The following PACSIN2 variants were observed in gnomAD, a reference collection of about 807,000 sequenced individuals.
PACSIN2 encodes the protein protein kinase C and casein kinase substrate in neurons protein 2.
In PACSIN2, 25 loss-of-function variants were observed where a neutral mutation model predicts 63.8. That is an observed-to-expected ratio of 0.39 (90% confidence interval 0.29 to 0.55). The LOEUF is 0.55. PACSIN2 is among the 20% of genes least tolerant of loss of function. The pLI is 0.62. For synonymous variants in PACSIN2, 255 were observed against 256.2 expected, an observed-to-expected ratio of 1.00 and a Z score of 0.05; for missense variants, 518 against 646.9, an observed-to-expected ratio of 0.80 and a Z score of 2.16.
At chr22:42,981,341 C>T (rs1453819300) in intron 1 of PACSIN2, among the ~76,000 whole-genome samples, 6 of 144,860 alleles carry the variant, frequency 4.1e-5, no homozygotes, top group East Asian at 4.4e-4. Context: ...CCACCCCGTC[C>T]GGGAGGGAGG....
intron 1 of PACSIN2, among the ~76,000 whole-genome samples, chr22:42,971,693 G>A (rs1370596346): frequency 4.0e-5 from 6 of 151,608 alleles, no homozygotes; most frequent in Admixed American, 6.6e-5. Flanking sequence ...CCCTCCGCCG[G>A]GCAGCCGCCC....
intron 1 of PACSIN2, among the ~76,000 whole-genome samples, chr22:42,982,887 A>AAAAAAAAAAACAAAC (rs200348918): frequency 2.3e-5 from 3 of 129,498 alleles, no homozygotes; most frequent in Non-Finnish European, 5.1e-5. Context: ...AAAAAAAAAA[A>AAAAAAAAAAACAAAC]AAACAACAAC....
intron 1 of PACSIN2, among the ~76,000 whole-genome samples, chr22:42,917,057 G>A (rs1392624030): frequency 2.0e-5 from 3 of 152,224 alleles, no homozygotes; most frequent in East Asian, 3.9e-4. Context: ...CCCCTATGGC[G>A]ACTCCTCATG....
chr22:42,941,752 T>C (rs1933171418), intron 1 of PACSIN2, among the ~76,000 whole-genome samples: 2 of 152,278 alleles, frequency 1.3e-5, no homozygotes, highest in South Asian at 4.1e-4. Flanking sequence ...TTCTTATTGC[T>C]GAGTTTGGGG....
At chr22:42,876,040 T>C (rs1928586937) in intron 10 of PACSIN2, 97 bp downstream of exon 10, 6 of 1,045,376 alleles carry the variant, frequency 5.7e-6, no homozygotes, top group South Asian at 4.8e-5. Context: ...CAAGTGAAAC[T>C]AGCAAGAACT....
At chr22:43,002,562 G>A (rs979182854) in intron 1 of PACSIN2, 1 of 152,038 alleles carries the variant, frequency 6.6e-6, no homozygotes, top group Non-Finnish European at 1.5e-5. Flanking sequence ...GGCCAAGGCA[G>A]GCACTTTAAA....
chr22:42,983,489 CAAAAAAAAAAA>C (rs775403003), intron 1 of PACSIN2, among the ~76,000 whole-genome samples: 1 of 82,296 alleles, frequency 1.2e-5, no homozygotes, highest in Non-Finnish European at 2.4e-5. Context: ...GACTCCATCT[CAAAAAAAAAAA>C]AAAAAAAACA....
intron 1 of PACSIN2, among the ~76,000 whole-genome samples, chr22:42,918,781 G>A (rs1178240324): frequency 6.6e-6 from 1 of 152,204 alleles, no homozygotes; most frequent in African/African-American, 2.4e-5. Context: ...CATTGACCCT[G>A]ATCTCTACCA....
intron 1 of PACSIN2, among the ~76,000 whole-genome samples, chr22:42,942,724 T>C (rs548918364): frequency 1.3e-5 from 2 of 152,310 alleles, no homozygotes; most frequent in Admixed American, 6.5e-5. Context: ...ACCATAAATG[T>C]AGGGGTTTAG....
chr22:42,874,393 T>C (rs1485928358), intron 10 of PACSIN2, among the ~76,000 whole-genome samples: 1 of 152,094 alleles, frequency 6.6e-6, no homozygotes, highest in African/African-American at 2.4e-5. Context: ...ACAGAAAGTC[T>C]TCACAGGCAG....
At chr22:42,994,351 A>C (rs569997893) in intron 1 of PACSIN2, among the ~76,000 whole-genome samples, 1 of 152,318 alleles carries the variant, frequency 6.6e-6, no homozygotes, top group South Asian at 2.1e-4. Context: ...CACACCCAGA[A>C]AATAAGCATG....
intron 1 of PACSIN2, among the ~76,000 whole-genome samples, chr22:43,004,430 C>T (rs1923960981): frequency 6.6e-6 from 1 of 152,188 alleles, no homozygotes; most frequent in Non-Finnish European, 1.5e-5. Flanking sequence ...TTTGCAGGAG[C>T]AAAGGTCGCA....
chr22:42,959,315 T>C (rs558620584), intron 1 of PACSIN2, among the ~76,000 whole-genome samples: 2 of 152,274 alleles, frequency 1.3e-5, no homozygotes, highest in African/African-American at 4.8e-5. Context: ...GTAATAAACA[T>C]TAACGCCTTA....
chr22:43,012,440 G>C (rs1383545202), intron 1 of PACSIN2, among the ~76,000 whole-genome samples: 1 of 151,916 alleles, frequency 6.6e-6, no homozygotes, highest in African/African-American at 2.4e-5. Flanking sequence ...AGAATGCTAT[G>C]TTGGTGGAAA....
At chr22:42,950,093 A>G (rs1933614197) in intron 1 of PACSIN2, among the ~76,000 whole-genome samples, 1 of 152,164 alleles carries the variant, frequency 6.6e-6, no homozygotes, top group South Asian at 2.1e-4. Flanking sequence ...GGGGGAAAGA[A>G]GTGGGTAGCT....
intron 1 of PACSIN2, among the ~76,000 whole-genome samples, chr22:42,970,129 G>C (rs1277361212): frequency 1.3e-5 from 2 of 152,186 alleles, no homozygotes; most frequent in African/African-American, 2.4e-5. Flanking sequence ...AAAGCAAGCA[G>C]AGCAGGGTCC....
chr22:42,993,628 C>T (rs1464131961), intron 1 of PACSIN2: 2 of 152,226 alleles, frequency 1.3e-5, no homozygotes, highest in African/African-American at 4.8e-5. Flanking sequence ...ACCTTACACA[C>T]ATGAAAACTG....
chr22:42,947,265 C>T (rs762727209), intron 1 of PACSIN2, among the ~76,000 whole-genome samples: 2 of 152,114 alleles, frequency 1.3e-5, no homozygotes, highest in Non-Finnish European at 2.9e-5. Context: ...CTCCAGGCCA[C>T]CTTCGAGGTC....
Position 42,912,007 on chromosome 22 carries a change from A to G in PACSIN2, c.60+14T>C, listed in dbSNP as rs765369455. ...CTGGCCACTTCATTCACTGGAAGAA[A>G]GCAGGTGCATTACCTCCCAGAAGCT... On this transcript the variant is annotated intron_variant, in intron 2 of 10. Transcript: ENST00000263246. The G allele has an allele frequency of 1.3e-6, 2 of 1,591,192 alleles. No homozygotes were observed. The highest frequency in any genetic ancestry group is 1.7e-6 in the Non-Finnish European group (2 of 1,165,412).
Sources: allele counts gnomAD v4.1 joint callset (sites outside exome capture counted in the v4.1 genomes callset), GRCh38; gene constraint gnomAD v4.1.1; transcripts MANE v1.5; gene names NCBI Gene and HGNC (gene_info 2026-07-23, HGNC 2026-07-21).